SLC6A20: variants seen among roughly 807,000 people sequenced by gnomAD.
SLC6A20 encodes the protein sodium- and chloride-dependent transporter XTRP3.
A neutral mutation model predicts 64.3 loss-of-function variants in SLC6A20; 73 were observed. That is an observed-to-expected ratio of 1.14 (90% confidence interval 0.94 to 1.38). The LOEUF is 1.38. SLC6A20 is among the 40% of genes most tolerant of loss of function. SLC6A20 has a pLI of 0.00. For missense variants in SLC6A20, 725 were observed against 772.8 expected (o/e 0.94, Z 0.73); for synonymous variants, 347 against 329.6 (o/e 1.05, Z -0.57).
Position 45,756,717 on chromosome 3 carries a change from T to C in SLC6A20, c.*2261A>G, listed in dbSNP as rs1234940571. On this transcript the variant is annotated 3_prime_UTR_variant, in exon 11 of 11. Transcript: ENST00000358525. ...ATGATCTCAAGGAAGCACTGGACGT[T>C]AGAGCAGGAAGGGACTCGCTCACTT... 1.3e-5 allele frequency: 2 copies of C among 152,202 alleles called. No individual in the cohort carries two copies. The highest frequency in any genetic ancestry group is 2.9e-5 in the Non-Finnish European group (2 of 68,032). The allele number at this position is 152,202 out of a possible 1,614,324, so 9.4% of individuals were successfully genotyped here. A position where few individuals can be genotyped will look rare whatever the true frequency, so the allele number is the denominator to read the frequency against.
At chr3:45,776,498 C>T (rs958541922) in intron 3 of SLC6A20, among the ~76,000 whole-genome samples, 1 of 152,166 alleles carries the variant, frequency 6.6e-6, no homozygotes. Context: ...GAGAGTCTTA[C>T]TGGCTCCACC....
chr3:45,772,198 A>T, intron 5 of SLC6A20: 1 of 305,838 alleles, frequency 3.3e-6, no homozygotes, highest in Non-Finnish European at 6.1e-6. Context: ...CTTGGTCCAC[A>T]GTCTGAAAGG....
In SLC6A20 at chr3:45,796,434, C is replaced by T. The variant is rs1031858502; in HGVS notation, c.-15G>A. 3 of 1,606,280 alleles carry T rather than the reference C, an allele frequency of 1.9e-6. No homozygotes were observed. The African/African-American group carries it at 4.1e-5, about 22-fold the overall frequency. On this transcript the variant is annotated 5_prime_UTR_variant, in exon 1 of 11. Transcript: ENST00000358525. ...GCTTTCTCCATGGCCCCGGCCTCGG[C>T]GCGCTCGGCTCCGGCTCGGGGGTCC...
intron 1 of SLC6A20, among the ~76,000 whole-genome samples, chr3:45,785,143 AC>A (rs1479856817): frequency 1.3e-5 from 2 of 152,330 alleles, no homozygotes; most frequent in Non-Finnish European, 1.5e-5. Context: ...AAAAGGCAAA[AC>A]TATAGGGACA....
At chr3:45,762,799 C>G (rs1277056627) in intron 9 of SLC6A20, 114 bp downstream of exon 9, 2 of 1,391,234 alleles carry the variant, frequency 1.4e-6, no homozygotes, top group South Asian at 1.3e-5. Context: ...AGTCATGATG[C>G]GAAGCTTAAA....
At chr3:45,779,704 A>G (rs1700036548) in intron 3 of SLC6A20, among the ~76,000 whole-genome samples, 2 of 152,032 alleles carry the variant, frequency 1.3e-5, no homozygotes, top group Admixed American at 6.5e-5. Flanking sequence ...AGTTCTTAAT[A>G]GTGTGTGTGT....
intron 7 of SLC6A20, among the ~76,000 whole-genome samples, chr3:45,766,583 A>G (rs533555769): frequency 2.0e-5 from 3 of 152,288 alleles, no homozygotes; most frequent in African/African-American, 7.2e-5. Context: ...GTATGTTGAA[A>G]CCCTAGCTCC....
intron 5 of SLC6A20, 60 bp from the exon 6 acceptor site, chr3:45,771,518 C>T: frequency 6.2e-7 from 1 of 1,603,932 alleles, no homozygotes; most frequent in South Asian, 1.1e-5. Flanking sequence ...ATGCTCAGAC[C>T]CGCAACAGGA....
chr3:45,782,569 T>C (rs975223004), intron 1 of SLC6A20, among the ~76,000 whole-genome samples: 12 of 151,344 alleles, frequency 7.9e-5, no homozygotes, highest in African/African-American at 2.9e-4. Context: ...CCTTCCTTCC[T>C]TCCATCCATC....
chr3:45,773,721 C>T (rs192579683), intron 4 of SLC6A20, among the ~76,000 whole-genome samples: 12 of 152,262 alleles, frequency 7.9e-5, no homozygotes, highest in East Asian at 1.9e-4. Context: ...TGAGGTGTGG[C>T]ATCATCTTCT....
chr3:45,770,435 C>T (rs1005266840), intron 6 of SLC6A20, 64 bp from the exon 7 acceptor site: 37 of 1,579,780 alleles, frequency 2.3e-5, no homozygotes, highest in African/African-American at 9.5e-5. Flanking sequence ...CAAAGCCTCC[C>T]GTCAGCCTCT....
chr3:45,792,837 C>T (rs1227791971), intron 1 of SLC6A20, among the ~76,000 whole-genome samples: 1 of 152,220 alleles, frequency 6.6e-6, no homozygotes, highest in African/African-American at 2.4e-5. Context: ...TGCTGTTCCA[C>T]CAAGAGCCAG....
chr3:45,765,489 C>A lies in SLC6A20; in HGVS notation c.1303+48G>T, dbSNP rs369175708. ...GAGCTCTCCCCTGTTCACCCCCACG[C>A]CTTGGCCCTCCTGACCCCTGCCTCC... On this transcript the variant is annotated intron_variant, in intron 8 of 10. Coordinates refer to ENST00000358525, the MANE Select transcript of SLC6A20 (RefSeq NM_020208.4). This position sits in a 1 kb window ranked among gnomAD's most constrained non-coding sequence, Gnocchi z 4.2. 1.1e-4 allele frequency: 177 copies of A among 1,573,972 alleles called. No individual in the cohort carries two copies. In the African/African-American group the frequency reaches 2.1e-3, roughly 19 times the overall value.
chr3:45,764,624 C>G (rs1017047383), intron 8 of SLC6A20, among the ~76,000 whole-genome samples: 1 of 150,770 alleles, frequency 6.6e-6, no homozygotes, highest in Non-Finnish European at 1.5e-5. Flanking sequence ...ATAGCTTGAG[C>G]CTGGGAGGTG....
At chr3:45,780,487 G>C (rs1700061881) in intron 2 of SLC6A20, among the ~76,000 whole-genome samples, 2 of 152,212 alleles carry the variant, frequency 1.3e-5, no homozygotes, top group Non-Finnish European at 1.5e-5. Context: ...GGCAGAACTG[G>C]GTTCACAACC....
In SLC6A20 at chr3:45,782,147, C is replaced by T; in HGVS notation, c.198G>A (p.Gly66=). ...MPLLYLELAV[G]QRMRQGSIGA... is the part of the protein sequence containing the mutation. ...CGATGCTGCCCTGCCGCATGCGCTGCCCCACAGCCAGTTCCAGGTACAAGA... is the reference window on the plus strand; with the variant it reads ...CGATGCTGCCCTGCCGCATGCGCTGTCCCACAGCCAGTTCCAGGTACAAGA... The change falls in exon 2 of 11, where the codon GGG becomes GGA. Residue 66 remains glycine, a synonymous_variant. Transcript: ENST00000358525. The T allele has an allele frequency of 3.7e-6, 6 of 1,613,812 alleles. No individual in the cohort carries two copies. Among genetic ancestry groups the T allele is most frequent in the Non-Finnish European group, 5.1e-6 (6 of 1,179,900 alleles).
At chr3:45,763,167 G>A in intron 8 of SLC6A20, 95 bp from the exon 9 acceptor site, 7 of 1,545,648 alleles carry the variant, frequency 4.5e-6, no homozygotes, top group East Asian at 4.5e-5. Flanking sequence ...GGCCCTCAGG[G>A]AATTTTGGCT....
intron 1 of SLC6A20, among the ~76,000 whole-genome samples, chr3:45,787,801 T>G (rs1700194349): frequency 6.6e-6 from 1 of 152,166 alleles, no homozygotes; most frequent in Non-Finnish European, 1.5e-5. Context: ...GATCTCTAGC[T>G]CCTAAGGAAG....
chr3:45,779,015 C>T (rs6771661), intron 3 of SLC6A20, among the ~76,000 whole-genome samples: 8,519 of 152,296 alleles, frequency 0.056, 800 homozygotes, highest in African/African-American at 0.19. Context: ...GCATTCCTCA[C>T]GCCCCCACAG....
Sources: allele counts gnomAD v4.1 joint callset (sites outside exome capture counted in the v4.1 genomes callset), GRCh38; gene constraint gnomAD v4.1.1; non-coding constraint Gnocchi (gnomAD v3.1); transcripts MANE v1.5; gene names NCBI Gene and HGNC (gene_info 2026-07-23, HGNC 2026-07-21).